Variants in MCF2L2 observed in about 807,000 individuals in gnomAD.
MCF2L2 encodes the protein probable guanine nucleotide exchange factor MCF2L2.
A neutral mutation model predicts 150.2 loss-of-function variants in MCF2L2; 102 were observed. The ratio of observed to expected loss-of-function variants is 0.68; its 90% CI spans 0.58 to 0.80. The LOEUF (loss-of-function observed/expected upper bound fraction) is 0.80, where lower values mean the gene tolerates loss of function less well. Ranked by LOEUF, MCF2L2 falls within the 30% of genes least tolerant of loss-of-function variation. The pLI, the probability that MCF2L2 is intolerant of heterozygous loss-of-function variation, is 0.00. For missense variants in MCF2L2, 1,256 were observed against 1,372.8 expected, an observed-to-expected ratio of 0.91 and a Z score of 1.34; for synonymous variants, 465 against 491.3, an observed-to-expected ratio of 0.95 and a Z score of 0.71.
intron 1 of MCF2L2, among the ~76,000 whole-genome samples, chr3:183,425,870 G>A (rs552617318): frequency 1.7e-4 from 26 of 152,062 alleles, no homozygotes; most frequent in South Asian, 8.3e-4. Flanking sequence ...TAGGAGAATC[G>A]CTTGAACCCG....
At chr3:183,341,196 C>T (rs577948335) in intron 4 of MCF2L2, among the ~76,000 whole-genome samples, 4 of 152,316 alleles carry the variant, frequency 2.6e-5, no homozygotes, top group Middle Eastern at 3.4e-3. Flanking sequence ...TGCCCCACTG[C>T]GGATCTGGAA....
In MCF2L2 at chr3:183,216,002, C is replaced by CA; in HGVS notation, c.2462dup (p.Leu821PhefsTer10). The CA allele has an allele frequency of 4.3e-6, 7 of 1,613,990 alleles. No individual in the cohort carries two copies. The highest frequency in any genetic ancestry group is 5.9e-6 in the Non-Finnish European group (7 of 1,179,918). ...CAGTCACTGCTGCTAGGTCCACAGC[C>CA]AACTCACAGGACTTGATCAAATCCT... On this transcript the variant is annotated frameshift_variant, in exon 22 of 30. Transcript: ENST00000328913. LOFTEE classifies it high-confidence loss of function.
intron 15 of MCF2L2, chr3:183,253,867 CATCTTTCCGCGGCCGA>C (rs1724749806): frequency 6.6e-6 from 1 of 152,294 alleles, no homozygotes; most frequent in South Asian, 2.1e-4. Context: ...GCCGCGGCCG[CATCTTTCCGCGGCCGA>C]GGCCTCTCTG....
At chr3:183,406,874 G>A (rs1204462880) in intron 1 of MCF2L2, among the ~76,000 whole-genome samples, 3 of 152,062 alleles carry the variant, frequency 2.0e-5, no homozygotes, top group East Asian at 1.9e-4. Context: ...AAATGTCAAC[G>A]TTACCAAAAT....
chr3:183,274,608 G>A (rs1727048725), intron 15 of MCF2L2, among the ~76,000 whole-genome samples: 1 of 152,202 alleles, frequency 6.6e-6, no homozygotes, highest in Non-Finnish European at 1.5e-5. Context: ...TGGTAGGAGT[G>A]TTTGTAGTTG....
chr3:183,282,379 C>G (rs554052433), intron 14 of MCF2L2, among the ~76,000 whole-genome samples: 20 of 152,122 alleles, frequency 1.3e-4, no homozygotes, highest in African/African-American at 4.6e-4. Context: ...GGGGTTTCAC[C>G]ATGTTAGCCA....
chr3:183,315,975 G>A (rs1219350916), intron 7 of MCF2L2, among the ~76,000 whole-genome samples: 1 of 152,186 alleles, frequency 6.6e-6, no homozygotes. Context: ...GGCAAAGAAC[G>A]CACCGTGCTC....
intron 9 of MCF2L2, among the ~76,000 whole-genome samples, chr3:183,310,224 G>A (rs73184930): frequency 0.19 from 28,685 of 151,794 alleles, 3,127 homozygotes; most frequent in East Asian, 0.36. Context: ...TATCTGGGCC[G>A]GGCGCAGTGG....
intron 15 of MCF2L2, chr3:183,272,183 C>G (rs1726835238): frequency 1.0e-6 from 1 of 1,000,132 alleles, no homozygotes; most frequent in African/African-American, 1.7e-5. Context: ...AGAGATGTGT[C>G]TGAGATCTAA....
intron 3 of MCF2L2, among the ~76,000 whole-genome samples, chr3:183,361,039 G>GA (rs1712143891): frequency 2.0e-5 from 2 of 101,394 alleles, no homozygotes; most frequent in African/African-American, 5.9e-5. Flanking sequence ...AGAAAAGGAA[G>GA]AAAGGAAAGG....
At chr3:183,366,353 T>C (rs1475057361) in intron 3 of MCF2L2, among the ~76,000 whole-genome samples, 2 of 152,150 alleles carry the variant, frequency 1.3e-5, no homozygotes, top group Non-Finnish European at 2.9e-5. Flanking sequence ...TTAAGATTTA[T>C]TTACCGGCTG....
At chr3:183,317,207 T>C (rs559209962) in intron 7 of MCF2L2, among the ~76,000 whole-genome samples, 1 of 152,320 alleles carries the variant, frequency 6.6e-6, no homozygotes, top group Non-Finnish European at 1.5e-5. Flanking sequence ...ATCAACCATC[T>C]AGCAAAGCAT....
chr3:183,360,739 G>A (rs1712083951), intron 3 of MCF2L2, among the ~76,000 whole-genome samples: 1 of 152,080 alleles, frequency 6.6e-6, no homozygotes, highest in Admixed American at 6.6e-5. Flanking sequence ...GGAGGCTGAG[G>A]TGGGTGGATC....
chr3:183,214,715 G>A lies in MCF2L2; in HGVS notation c.2496+1254C>T, dbSNP rs1170773863. On this transcript the variant is annotated intron_variant, in intron 22 of 29. Transcript: ENST00000328913. Reference sequence around the variant, plus strand: ...ATGTAAGAAAAACTTGGCCGGGCACGATGGCTCTCACCTGTAATCCCAGCA... The same window carrying A: ...ATGTAAGAAAAACTTGGCCGGGCACAATGGCTCTCACCTGTAATCCCAGCA... 3.3e-5 allele frequency among the ~76,000 whole-genome samples: 5 copies of A among 151,878 alleles called. No homozygotes were observed. In the East Asian group the frequency reaches 5.8e-4, roughly 18 times the overall value.
chr3:183,282,613 C>T (rs1301364350), intron 14 of MCF2L2, among the ~76,000 whole-genome samples: 1 of 152,124 alleles, frequency 6.6e-6, no homozygotes, highest in Non-Finnish European at 1.5e-5. Flanking sequence ...GTAAGTGTGC[C>T]AAGGACACTG....
Position 183,302,646 on chromosome 3 carries a change from T to A in MCF2L2, c.1114-2450A>T, listed in dbSNP as rs554869348. Among the ~76,000 whole-genome samples the A allele has an allele frequency of 1.4e-4, 21 of 152,188 alleles. No individual in the cohort carries two copies. The South Asian group carries it at 4.3e-3, about 32-fold the overall frequency. ...ACTCATTAAGGGGCTGCTGCAGGAATCCAGCCGAGAGATACGGCTTACGGC... is the reference window on the plus strand; with the variant it reads ...ACTCATTAAGGGGCTGCTGCAGGAAACCAGCCGAGAGATACGGCTTACGGC... On this transcript the variant is annotated intron_variant, in intron 10 of 29. Transcript: ENST00000328913.
At chr3:183,337,552 C>CAAA (rs61184812) in intron 5 of MCF2L2, among the ~76,000 whole-genome samples, 11,749 of 71,652 alleles carry the variant, frequency 0.16, 681 homozygotes, top group Non-Finnish European at 0.18. Flanking sequence ...GACTCCATCT[C>CAAA]AAAAAAAAAA....
chr3:183,194,962 TG>T (rs1722031374), intron 26 of MCF2L2, among the ~76,000 whole-genome samples: 1 of 152,034 alleles, frequency 6.6e-6, no homozygotes, highest in Non-Finnish European at 1.5e-5. Flanking sequence ...TATTTTTTTT[TG>T]TTAGAGACAG....
At chr3:183,425,610 A>C (rs1716121626) in intron 1 of MCF2L2, among the ~76,000 whole-genome samples, 2 of 152,266 alleles carry the variant, frequency 1.3e-5, no homozygotes, top group African/African-American at 4.8e-5. Context: ...CTCCACCTTG[A>C]GGTCCCCCAG....
Sources: gnomAD v4.1 joint callset for allele counts (sites outside exome capture counted in the v4.1 genomes callset) on GRCh38, gnomAD v4.1.1 for gene constraint, MANE v1.5 for transcripts, NCBI Gene and HGNC (gene_info 2026-07-23, HGNC 2026-07-21) for gene names.